The following ATL2 variants were observed in gnomAD, a reference collection of about 807,000 sequenced individuals.
ATL2 encodes atlastin GTPase 2.
Under a neutral mutation model 73.9 loss-of-function variants are expected in ATL2, and 31 were observed. The ratio of observed to expected loss-of-function variants is 0.42; its 90% CI spans 0.32 to 0.57. The LOEUF is 0.57. Ranked by LOEUF, ATL2 falls within the 20% of genes least tolerant of loss-of-function variation. ATL2 has a pLI of 0.14. For synonymous variants in ATL2, 291 were observed against 237.5 expected (o/e 1.23, Z -2.07); for missense variants, 738 against 702.6 (o/e 1.05, Z -0.57).
intron 5 of ATL2, among the ~76,000 whole-genome samples, 175 bp from the exon 6 acceptor site, chr2:38,314,839 T>G (rs568582772): frequency 3.9e-5 from 6 of 152,264 alleles, no homozygotes; most frequent in Non-Finnish European, 7.3e-5. Context: ...TAAGAAGTCA[T>G]ACACCAGTTT....
chr2:38,312,723 A>AAGAAG (rs2148425371), intron 7 of ATL2, among the ~76,000 whole-genome samples: 1 of 149,384 alleles, frequency 6.7e-6, no homozygotes, highest in African/African-American at 2.5e-5. Context: ...AAAAAAAAAA[A>AAGAAG]AAGAAGGTGC....
chr2:38,351,756 G>C (rs2124437776), intron 1 of ATL2, among the ~76,000 whole-genome samples: 1 of 151,994 alleles, frequency 6.6e-6, no homozygotes, highest in African/African-American at 2.4e-5. Flanking sequence ...GCCTCCCAAA[G>C]TGCTGGGATT....
chr2:38,313,343 C>T (rs1667857458), intron 6 of ATL2, 100 bp from the exon 7 acceptor site: 6 of 794,310 alleles, frequency 7.6e-6, no homozygotes, highest in African/African-American at 3.5e-5. Context: ...CTCTCCTAAA[C>T]AATCCTTATC....
intron 1 of ATL2, among the ~76,000 whole-genome samples, chr2:38,356,539 A>AC (rs1670680443): frequency 6.6e-6 from 1 of 152,116 alleles, no homozygotes; most frequent in Admixed American, 6.6e-5. Flanking sequence ...TGTATTTTAC[A>AC]CCTACAGCAC....
chr2:38,322,374 G>A (rs1254122801), intron 2 of ATL2, among the ~76,000 whole-genome samples: 1 of 152,124 alleles, frequency 6.6e-6, no homozygotes, highest in Admixed American at 6.5e-5. Context: ...CCATCACAGA[G>A]AAGTGTGCCT....
intron 1 of ATL2, among the ~76,000 whole-genome samples, chr2:38,349,687 A>T (rs889840454): frequency 2.9e-4 from 42 of 145,708 alleles, no homozygotes; most frequent in African/African-American, 1.1e-3. Flanking sequence ...AAAAATAAAT[A>T]AAATAGGAAA....
intron 1 of ATL2, among the ~76,000 whole-genome samples, chr2:38,364,176 C>G (rs980117309): frequency 6.6e-6 from 1 of 152,100 alleles, no homozygotes; most frequent in Non-Finnish European, 1.5e-5. Context: ...GCAGAAGAAT[C>G]ACTTGAACCC....
At chr2:38,363,386 T>G (rs1671123283) in intron 1 of ATL2, among the ~76,000 whole-genome samples, 1 of 151,138 alleles carries the variant, frequency 6.6e-6, no homozygotes, top group Non-Finnish European at 1.5e-5. Context: ...GGGGGGTTAT[T>G]TATCATCTTT....
intron 1 of ATL2, among the ~76,000 whole-genome samples, chr2:38,352,678 C>A (rs1230930620): frequency 6.6e-6 from 1 of 152,206 alleles, no homozygotes; most frequent in Admixed American, 6.5e-5. Flanking sequence ...ATTACTGAGA[C>A]ACTTTGGAGT....
intron 1 of ATL2, among the ~76,000 whole-genome samples, chr2:38,371,856 CACTGT>C (rs998500163): frequency 1.4e-4 from 21 of 152,168 alleles, no homozygotes; most frequent in African/African-American, 4.8e-4. Flanking sequence ...AAGATCACGC[CACTGT>C]ACTCCAGCCT....
intron 2 of ATL2, among the ~76,000 whole-genome samples, chr2:38,320,648 T>G (rs930994000): frequency 2.0e-5 from 3 of 152,180 alleles, no homozygotes; most frequent in Non-Finnish European, 4.4e-5. Context: ...TTTAGTATAC[T>G]TAAAGCCCAC....
intron 2 of ATL2, among the ~76,000 whole-genome samples, chr2:38,327,130 T>C (rs766521256): frequency 1.1e-4 from 16 of 152,006 alleles, no homozygotes; most frequent in Non-Finnish European, 1.6e-4. Context: ...GTAAAGACTT[T>C]CTTAGCCAAA....
At chr2:38,367,756 T>C (rs866089818) in intron 1 of ATL2, among the ~76,000 whole-genome samples, 5 of 146,946 alleles carry the variant, frequency 3.4e-5, no homozygotes, top group Middle Eastern at 3.8e-3. Context: ...CCTCAGCCTC[T>C]GGAGTAGCTG....
chr2:38,309,235 C>A (rs886737955), intron 9 of ATL2, 144 bp downstream of exon 9: 2 of 747,114 alleles, frequency 2.7e-6, no homozygotes, highest in South Asian at 2.3e-5. Flanking sequence ...AATACAGATA[C>A]ATCTAATTCA....
intron 10 of ATL2, 141 bp downstream of exon 10, chr2:38,300,131 C>CG: frequency 1.6e-6 from 1 of 632,666 alleles, no homozygotes. Context: ...TTAGGACCCA[C>CG]GACACATACG....
intron 4 of ATL2, among the ~76,000 whole-genome samples, chr2:38,315,862 T>C (rs547461337): frequency 6.6e-6 from 1 of 152,338 alleles, no homozygotes; most frequent in South Asian, 2.1e-4. Context: ...TCATCAGTTT[T>C]CACTTACACT....
chr2:38,324,591 C>G (rs1018613845), intron 2 of ATL2, among the ~76,000 whole-genome samples: 4 of 152,198 alleles, frequency 2.6e-5, no homozygotes, highest in African/African-American at 9.6e-5. Flanking sequence ...ATTCCCACCC[C>G]ATGCCCAACT....
chr2:38,339,154 T>C (rs1234754007), intron 2 of ATL2, among the ~76,000 whole-genome samples: 1 of 152,052 alleles, frequency 6.6e-6, no homozygotes, highest in Non-Finnish European at 1.5e-5. Flanking sequence ...AGGCGGAGGT[T>C]GCAGTGAGCC....
intron 9 of ATL2, among the ~76,000 whole-genome samples, chr2:38,302,916 C>T (rs1412081364): frequency 6.6e-6 from 1 of 152,102 alleles, no homozygotes; most frequent in Non-Finnish European, 1.5e-5. Flanking sequence ...GTCCAGACAC[C>T]AACAAATATT....
Sources: gnomAD v4.1 joint callset for allele counts (sites outside exome capture counted in the v4.1 genomes callset) on GRCh38, gnomAD v4.1.1 for gene constraint, MANE v1.5 for transcripts, NCBI Gene and HGNC (gene_info 2026-07-23, HGNC 2026-07-21) for gene names.